ZNF317: variants seen among roughly 807,000 people sequenced by gnomAD.
The protein encoded by ZNF317 is KRAB-containing zinc finger protein 317.
ZNF317 carries 17 observed loss-of-function variants against 23.4 expected under a neutral mutation model. The ratio of observed to expected loss-of-function variants is 0.73; its 90% CI spans 0.50 to 1.09. The LOEUF is 1.09. Among genes scored for constraint, ZNF317 ranks in the 50% least tolerant of loss-of-function variants. The pLI, the probability that ZNF317 is intolerant of heterozygous loss-of-function variation, is 0.00. For synonymous variants in ZNF317, 317 were observed against 314.9 expected (o/e 1.01, Z -0.07); for missense variants, 679 against 796.7 (o/e 0.85, Z 1.78).
At chr19:9,152,866 A>G (rs2050747959) in intron 1 of ZNF317, among the ~76,000 whole-genome samples, 2 of 152,182 alleles carry the variant, frequency 1.3e-5, no homozygotes, top group Admixed American at 1.3e-4. Flanking sequence ...GCTAGTGTAG[A>G]TGATCTAATG....
At position 9,161,291 on chromosome 19, in the gene ZNF317, G is replaced by A. The variant is rs2050853141; in HGVS notation, c.1646G>A (p.Arg549Lys). The A allele has an allele frequency of 6.2e-7, 1 of 1,612,128 alleles. No individual in the cohort carries two copies. ...ATAGGCTCCAACCTGAATGTGCACAGGCGGATCCACACCGGGGAGAAGCCC... is the reference window on the plus strand; with the variant it reads ...ATAGGCTCCAACCTGAATGTGCACAAGCGGATCCACACCGGGGAGAAGCCC... ...FSIGSNLNVH[R>K]RIHTGEKPYE... The change falls in exon 7 of 7, where the codon AGG becomes AAG. Residue 549 changes from arginine (R) to lysine (K), a missense_variant. Arg to Lys is a conservative substitution (Grantham distance 26). Coordinates refer to ENST00000247956, the MANE Select transcript of ZNF317 (RefSeq NM_020933.5). This position sits in a 1 kb window ranked among gnomAD's most constrained non-coding sequence, Gnocchi z 4.0.
chr19:9,161,424 G>T lies in ZNF317; in HGVS notation c.1779G>T (p.Arg593Ser). The T allele has an allele frequency of 6.2e-7, 1 of 1,610,592 alleles. No individual in the cohort carries two copies. Among genetic ancestry groups the T allele is most frequent in the East Asian group, 2.2e-5 (1 of 44,784 alleles). Residue 593 changes from arginine to serine, a missense_variant, in exon 7 of 7, where the codon AGG becomes AGT. Arg to Ser is a moderately radical substitution (Grantham distance 110, BLOSUM62 -1). Transcript: ENST00000247956. This position sits in a 1 kb window ranked among gnomAD's most constrained non-coding sequence, Gnocchi z 4.0. Reference protein sequence around the residue: ...EKLFVSSVWKRLQ With the variant: ...EKLFVSSVWKSLQ Reference sequence around the variant, plus strand: ...TCTTTGTGTCATCCGTGTGGAAAAGGCTCCAGTGAGCGCGCCTGCTTTAGA... The same window carrying T: ...TCTTTGTGTCATCCGTGTGGAAAAGTCTCCAGTGAGCGCGCCTGCTTTAGA...
chr19:9,144,279 A>ATGCTTTGT (rs1362777601), intron 1 of ZNF317, among the ~76,000 whole-genome samples: 9 of 152,196 alleles, frequency 5.9e-5, no homozygotes, highest in Non-Finnish European at 8.8e-5. Context: ...TTGGGATTAC[A>ATGCTTTGT]GGCATGAGCC....
In ZNF317 at chr19:9,161,418, GA is replaced by G. The variant is rs867217736; in HGVS notation, c.1777del (p.Arg593GlyfsTer13). 5 of 1,612,106 alleles carry G rather than the reference GA, an allele frequency of 3.1e-6. No individual in the cohort carries two copies. The highest frequency in any genetic ancestry group is 4.2e-6 in the Non-Finnish European group (5 of 1,178,468). On this transcript the variant is annotated frameshift_variant, in exon 7 of 7. Transcript: ENST00000247956. LOFTEE classifies it high-confidence loss of function. The surrounding 1 kb of genome is among the most constrained non-coding windows in gnomAD (Gnocchi z 4.0). Reference sequence around the variant, plus strand: ...AGAAGCTCTTTGTGTCATCCGTGTGGAAAAGGCTCCAGTGAGCGCGCCTGCT... The same window carrying G: ...AGAAGCTCTTTGTGTCATCCGTGTGGAAAGGCTCCAGTGAGCGCGCCTGCT... Reference protein sequence around the residue: ...GEKLFVSSVWKRLQ With the variant: ...GEKLFVSSVWXRLQ
chr19:9,160,319 A>G lies in ZNF317; in HGVS notation c.674A>G (p.His225Arg), dbSNP rs1357290875. ...GACGGGAGAAAAATGCATGAATGTC[A>G]TCAGTGCCAAAAAGCCTTCACCACG... is the stretch of plus-strand genomic sequence containing the variant. ...MYDGRKMHEC[H>R]QCQKAFTTSA... is the part of the protein sequence containing the mutation. Residue 225 changes from histidine (H) to arginine (R), a missense_variant, in exon 7 of 7, where the codon CAT becomes CGT. His to Arg is a conservative substitution (Grantham distance 29). Transcript: ENST00000247956. The surrounding 1 kb of genome is among the most constrained non-coding windows in gnomAD (Gnocchi z 6.8). 6.2e-7 allele frequency: 1 copy of G among 1,614,196 alleles called. No homozygotes were observed. Among genetic ancestry groups the G allele is most frequent in the Non-Finnish European group, 8.5e-7 (1 of 1,180,034 alleles).
intron 6 of ZNF317, 41 bp downstream of exon 6, chr19:9,158,949 T>A (rs760925199): frequency 4.9e-6 from 7 of 1,428,044 alleles, no homozygotes; most frequent in South Asian, 1.1e-5. Context: ...TCCTTCCACG[T>A]CTGAGGAGAC....
chr19:9,149,894 C>T (rs755756040), intron 1 of ZNF317, among the ~76,000 whole-genome samples: 2 of 152,176 alleles, frequency 1.3e-5, no homozygotes, highest in Non-Finnish European at 2.9e-5. Context: ...AGAAGCGATG[C>T]CTTATGCCAA....
chr19:9,156,864 C>T (rs1037793030), intron 3 of ZNF317, 116 bp downstream of exon 3: 8 of 1,298,726 alleles, frequency 6.2e-6, no homozygotes, highest in Middle Eastern at 2.3e-4. Flanking sequence ...CAGAACAGGG[C>T]CCAAGAGAGA....
rs57588267 is a variant in ZNF317 at position 9,151,907 on chromosome 19, C to CTT, written c.-92-4002_-92-4001dup. Among the ~76,000 whole-genome samples, 289 of 128,778 alleles carry CTT rather than the reference C, an allele frequency of 2.2e-3. 7 individuals are homozygous for CTT. The highest frequency in any genetic ancestry group is 0.013 in the Admixed American group (166 of 12,644). 84.5% of individuals were successfully genotyped at this position (128,778 alleles called of 152,430 possible). On this transcript the variant is annotated intron_variant, in intron 1 of 6. Coordinates refer to ENST00000247956, the MANE Select transcript of ZNF317 (RefSeq NM_020933.5). ...ACCAGTGAAGCCCCTTGGTCCTGGACTTTTTTTTTTTTTTTTTGAGACGGA... is the reference window on the plus strand; with the variant it reads ...ACCAGTGAAGCCCCTTGGTCCTGGACTTTTTTTTTTTTTTTTTTTGAGACGGA...
chr19:9,157,482 G>A (rs371376336), intron 4 of ZNF317, 88 bp downstream of exon 4: 32 of 1,541,416 alleles, frequency 2.1e-5, no homozygotes, highest in Middle Eastern at 1.7e-4. Context: ...ACTATGCAGC[G>A]GTTCAGAACG....
rs2050846303 is a variant in ZNF317 at position 9,160,954 on chromosome 19, A to G, written c.1309A>G (p.Met437Val). ...AAACCAGTCCATCCTTAAGACTCACATGAACTCTCACACTGGAGAGAAACC... is the reference window on the plus strand; with the variant it reads ...AAACCAGTCCATCCTTAAGACTCACGTGAACTCTCACACTGGAGAGAAACC... Reference protein sequence around the residue: ...FRNQSILKTHMNSHTGEKPYG... With the variant: ...FRNQSILKTHVNSHTGEKPYG... The change falls in exon 7 of 7, where the codon ATG (methionine) becomes GTG (valine). Residue 437 changes from methionine to valine, a missense_variant. Physicochemically the swap from Met to Val is conservative, Grantham distance 21 (BLOSUM62 1). Transcript: ENST00000247956. The surrounding 1 kb of genome is among the most constrained non-coding windows in gnomAD (Gnocchi z 6.8). The G allele has an allele frequency of 3.1e-6, 5 of 1,614,086 alleles. No homozygotes were observed. The highest frequency in any genetic ancestry group is 2.7e-5 in the African/African-American group (2 of 74,940).
Position 9,156,666 on chromosome 19 carries a change from C to T in ZNF317, c.80C>T (p.Ser27Leu), listed in dbSNP as rs141551247. ...CAGGACTCAGAATTTCCTGTTTCTT[C>T]AAAAGACCATTCCTGTCCCCAGAAT... is the stretch of plus-strand genomic sequence containing the variant. ...CLQDSEFPVS[S>L]KDHSCPQNLD... The change falls in exon 3 of 7, where the codon TCA (serine) becomes TTA (leucine). Residue 27 changes from serine (S) to leucine (L), a missense_variant. By Grantham distance (145) the Ser-to-Leu change is moderately radical. Transcript: ENST00000247956. The T allele has an allele frequency of 6.2e-7, 1 of 1,614,060 alleles. No homozygotes were observed. Among genetic ancestry groups the T allele is most frequent in the African/African-American group, 1.3e-5 (1 of 74,930 alleles).
chr19:9,142,466 T>C (rs1280980797), intron 1 of ZNF317, among the ~76,000 whole-genome samples: 1 of 152,008 alleles, frequency 6.6e-6, no homozygotes, highest in East Asian at 1.9e-4. Context: ...TGTCGAATAG[T>C]TTTTATTAGG....
chr19:9,160,149 C>T lies in ZNF317; in HGVS notation c.504C>T (p.Tyr168=), dbSNP rs1408927795. The change falls in exon 7 of 7, where the codon TAC becomes TAT. Residue 168 remains tyrosine, a synonymous_variant. Coordinates refer to ENST00000247956, the MANE Select transcript of ZNF317 (RefSeq NM_020933.5). The surrounding 1 kb of genome is among the most constrained non-coding windows in gnomAD (Gnocchi z 6.8). The part of the protein sequence containing the change: ...RAGLGEKSTE[Y]AHLFEVFGMD... ...GTCTTGGAGAGAAGTCCACTGAATA[C>T]GCTCACTTGTTCGAAGTCTTTGGCA... 5.6e-6 allele frequency: 9 copies of T among 1,614,156 alleles called. No homozygotes were observed. Among genetic ancestry groups the T allele is most frequent in the East Asian group, 2.2e-5 (1 of 44,878 alleles).
rs10424639 is a variant in ZNF317 at position 9,153,364 on chromosome 19, T to C, written c.-92-2561T>C. 5.5e-3 allele frequency among the ~76,000 whole-genome samples: 830 copies of C among 152,262 alleles called. 9 individuals are homozygous for C. Among genetic ancestry groups the C allele is most frequent in the African/African-American group, 0.019 (806 of 41,546 alleles). On this transcript the variant is annotated intron_variant, in intron 1 of 6. Coordinates refer to ENST00000247956, the MANE Select transcript of ZNF317 (RefSeq NM_020933.5). ...TTTTAGTAGAGACGGGGTTTCTCCA[T>C]GTTGGTCAGGCTGGTCTCGAACTCT...
Position 9,156,598 on chromosome 19 carries a change from G to C in ZNF317, c.26-14G>C, listed in dbSNP as rs760065703. On this transcript the variant is annotated splice_polypyrimidine_tract_variant and intron_variant, in intron 2 of 6. Coordinates refer to ENST00000247956, the MANE Select transcript of ZNF317 (RefSeq NM_020933.5). ...GCAGGCTCTGATTCTCATGAACCCTGTTTTCTCCTCCAGCCACGTCCACCC... is the reference window on the plus strand; with the variant it reads ...GCAGGCTCTGATTCTCATGAACCCTCTTTTCTCCTCCAGCCACGTCCACCC... 1.9e-6 allele frequency: 3 copies of C among 1,612,078 alleles called. No individual in the cohort carries two copies. The highest frequency in any genetic ancestry group is 1.3e-5 in the African/African-American group (1 of 74,992).
intron 1 of ZNF317, among the ~76,000 whole-genome samples, chr19:9,150,235 A>G (rs1292367712): frequency 6.6e-6 from 1 of 152,238 alleles, no homozygotes; most frequent in African/African-American, 2.4e-5. Flanking sequence ...GGCACCCACT[A>G]TAAATGAACA....
chr19:9,142,250 C>T (rs1285910571), intron 1 of ZNF317, among the ~76,000 whole-genome samples: 1 of 152,118 alleles, frequency 6.6e-6, no homozygotes, highest in Non-Finnish European at 1.5e-5. Flanking sequence ...AAAATGTGTA[C>T]AATTCAAAAG....
intron 1 of ZNF317, among the ~76,000 whole-genome samples, chr19:9,154,845 G>T (rs2050768838): frequency 6.6e-6 from 1 of 152,160 alleles, no homozygotes; most frequent in South Asian, 2.1e-4. Context: ...GATATGAGAG[G>T]TGCCAGTGTG....
Sources: allele counts gnomAD v4.1 joint callset (sites outside exome capture counted in the v4.1 genomes callset), GRCh38; gene constraint gnomAD v4.1.1; non-coding constraint Gnocchi (gnomAD v3.1); transcripts MANE v1.5; gene names NCBI Gene and HGNC (gene_info 2026-07-23, HGNC 2026-07-21).